NLRC5: variants seen among roughly 807,000 people sequenced by gnomAD.
NLRC5 encodes the protein NLR family CARD domain containing 5, also known as protein NLRC5.
In NLRC5, 114 loss-of-function variants were observed where a neutral mutation model predicts 206.9. The observed-to-expected ratio is 0.55, with a 90% CI of 0.47 to 0.64. The LOEUF (loss-of-function observed/expected upper bound fraction) is 0.64. Among genes scored for constraint, NLRC5 ranks in the 30% least tolerant of loss-of-function variants. The pLI, the probability that NLRC5 is intolerant of heterozygous loss-of-function variation, is 0.00. For missense variants in NLRC5, 2,008 were observed against 2,305.5 expected, an observed-to-expected ratio of 0.87 and a Z score of 2.64; for synonymous variants, 952 against 962.8, an observed-to-expected ratio of 0.99 and a Z score of 0.21.
chr16:57,042,012 T>C lies in NLRC5; in HGVS notation c.3060T>C (p.Gly1020=), dbSNP rs771736664. ...DFSGNALGDE[G]AARLAQLLPG... ...CAGGCAATGCTCTGGGGGATGAAGG[T>C]GCAGCCCGGCTGGCTCAGCTGCTCC... is the stretch of plus-strand genomic sequence containing the variant. The change falls in exon 19 of 49, where the codon GGT becomes GGC. Residue 1020 remains glycine, a synonymous_variant. Coordinates refer to ENST00000688547, the MANE Select transcript of NLRC5 (RefSeq NM_001384950.1). 1.9e-6 allele frequency: 3 copies of C among 1,578,344 alleles called. No individual in the cohort carries two copies. The South Asian group carries it at 3.5e-5, about 18-fold the overall frequency.
chr16:57,046,564 C>T lies in NLRC5; in HGVS notation c.3261C>T (p.Ala1087=). The T allele has an allele frequency of 6.2e-7, 1 of 1,613,810 alleles. No individual in the cohort carries two copies. The highest frequency in any genetic ancestry group is 8.5e-7 in the Non-Finnish European group (1 of 1,179,802). ...RGDKTSRDMW[A]TGSLPDFPAA... ...ATCCCCCTCCTAGGGATATGTGGGCCACTGGATCTTTGCCAGACTTCCCAG... is the reference window on the plus strand; with the variant it reads ...ATCCCCCTCCTAGGGATATGTGGGCTACTGGATCTTTGCCAGACTTCCCAG... Residue 1087 remains alanine, a synonymous_variant, in exon 22 of 49, where the codon GCC becomes GCT. Transcript: ENST00000688547.
At chr16:57,010,572 A>C (rs964038640) in intron 1 of NLRC5, among the ~76,000 whole-genome samples, 20 of 152,032 alleles carry the variant, frequency 1.3e-4, no homozygotes, top group African/African-American at 4.8e-4. Context: ...TGAGTTGCAC[A>C]ATGTAGCCCA....
chr16:57,072,774 C>G (rs890527764), intron 38 of NLRC5, among the ~76,000 whole-genome samples: 1 of 152,240 alleles, frequency 6.6e-6, no homozygotes, highest in Non-Finnish European at 1.5e-5. Flanking sequence ...ATGACACCCC[C>G]TGAGAAAACT....
rs2061247175 is a variant in NLRC5 at position 57,026,095 on chromosome 16, A to G, written c.1152A>G (p.Pro384=). The G allele has an allele frequency of 1.2e-6, 2 of 1,614,102 alleles. No individual in the cohort carries two copies. The highest frequency in any genetic ancestry group is 1.3e-5 in the African/African-American group (1 of 75,068). ...TGAATCACTTCTTCAGCGCCCAGCC[A>G]TCGCGGGAGGGGGCCCTGGTGGAGT... The part of the protein sequence containing the change: ...EYVNHFFSAQ[P]SREGALVELQ... The change falls in exon 6 of 49, where the codon CCA becomes CCG. Residue 384 remains proline (P), a synonymous_variant. Coordinates refer to ENST00000688547, the MANE Select transcript of NLRC5 (RefSeq NM_001384950.1).
chr16:57,060,658 C>G (rs1451574054), intron 30 of NLRC5, among the ~76,000 whole-genome samples: 3 of 151,172 alleles, frequency 2.0e-5, no homozygotes, highest in Admixed American at 6.6e-5. Context: ...CACACACACA[C>G]AGTTCAGCCA....
chr16:57,030,774 G>C lies in NLRC5; in HGVS notation c.2418-630G>C, dbSNP rs962954502. Among the ~76,000 whole-genome samples, 41 of 152,170 alleles carry C rather than the reference G, an allele frequency of 2.7e-4. 1 individual carries two copies. Among genetic ancestry groups the C allele is most frequent in the Non-Finnish European group, 4.4e-5 (3 of 68,018 alleles). Reference sequence around the variant, plus strand: ...CAATATAGCCAGTTTTGATCATGGGGTAGGTTAGGTGTCATTTTTCTTACT... The same window carrying C: ...CAATATAGCCAGTTTTGATCATGGGCTAGGTTAGGTGTCATTTTTCTTACT... On this transcript the variant is annotated intron_variant, in intron 10 of 48. Transcript: ENST00000688547.
chr16:57,052,062 C>T (rs937739211), intron 24 of NLRC5, among the ~76,000 whole-genome samples: 3 of 152,158 alleles, frequency 2.0e-5, no homozygotes, highest in Non-Finnish European at 4.4e-5. Context: ...AGGTCCTGTA[C>T]TTATCACATG....
chr16:57,036,171 C>T lies in NLRC5; in HGVS notation c.2699C>T (p.Ala900Val). The change falls in exon 14 of 49, where the codon GCC becomes GTC. Residue 900 changes from alanine to valine, a missense_variant. Transcript: ENST00000688547. ...MAEAASQLHI[A>V]RKLDLSNNGL... ...GAGGCTGCATCCCAGCTGCACATCG[C>T]CAGGAAGCTGGAGTGAGTTGTCCAC... The T allele has an allele frequency of 1.2e-6, 2 of 1,613,200 alleles. No homozygotes were observed. The highest frequency in any genetic ancestry group is 2.2e-5 in the East Asian group (1 of 44,884).
At chr16:57,016,748 AAC>A (rs1475863244) in intron 1 of NLRC5, among the ~76,000 whole-genome samples, 3 of 152,248 alleles carry the variant, frequency 2.0e-5, no homozygotes, top group Non-Finnish European at 4.4e-5. Context: ...GAGCAGTAAT[AAC>A]TTTGCTGACT....
At chr16:57,041,243 G>C (rs774049823) in intron 17 of NLRC5, 19 of 522,116 alleles carry the variant, frequency 3.6e-5, no homozygotes, top group Non-Finnish European at 5.8e-5. Flanking sequence ...CTCTCTCTGA[G>C]GTCTCTGTGC....
chr16:57,027,188 G>A (rs907865433), intron 6 of NLRC5, among the ~76,000 whole-genome samples, 170 bp downstream of exon 6: 1 of 152,214 alleles, frequency 6.6e-6, no homozygotes, highest in African/African-American at 2.4e-5. Flanking sequence ...GACCTCTGGA[G>A]TCCAAATGGA....
chr16:57,007,607 G>GTAA (rs1361584542), intron 1 of NLRC5, among the ~76,000 whole-genome samples: 1 of 152,102 alleles, frequency 6.6e-6, no homozygotes, highest in Admixed American at 6.6e-5. Context: ...GCTCGTGCCT[G>GTAA]TAATCCCAGC....
chr16:57,004,981 G>C (rs1195003113), intron 1 of NLRC5, among the ~76,000 whole-genome samples: 1 of 152,136 alleles, frequency 6.6e-6, no homozygotes, highest in African/African-American at 2.4e-5. Context: ...AACTCCACGT[G>C]TCTGGATTCC....
chr16:57,026,086 C>T lies in NLRC5; in HGVS notation c.1143C>T (p.Ser381=), dbSNP rs141391037. The change falls in exon 6 of 49, where the codon AGC becomes AGT. Residue 381 remains serine, a synonymous_variant. Transcript: ENST00000688547. The part of the protein sequence containing the change: ...RVEEYVNHFF[S]AQPSREGALV... ...AAGAATATGTGAATCACTTCTTCAG[C>T]GCCCAGCCATCGCGGGAGGGGGCCC... The T allele has an allele frequency of 5.5e-5, 88 of 1,614,108 alleles. No individual in the cohort carries two copies. The African/African-American group carries it at 5.9e-4, about 11-fold the overall frequency.
chr16:57,026,908 C>A lies in NLRC5; in HGVS notation c.1965C>A (p.Thr655=), dbSNP rs111236052. ...CCTGCACCGACCTGGCCACCCTGAC[C>A]AACATCCTAGAGCACAGGGAGGCCC... ...PLTCTDLATL[T]NILEHREAPI... Residue 655 remains threonine, a synonymous_variant, in exon 6 of 49, where the codon ACC becomes ACA. Transcript: ENST00000688547. 1 of 1,614,178 alleles carries A rather than the reference C, an allele frequency of 6.2e-7. No individual in the cohort carries two copies.
chr16:57,001,507 C>T (rs1420453854), intron 1 of NLRC5, among the ~76,000 whole-genome samples: 1 of 152,250 alleles, frequency 6.6e-6, no homozygotes, highest in African/African-American at 2.4e-5. Context: ...TCCTTCCTTA[C>T]ACCAGGCGTC....
chr16:57,013,380 A>T (rs554661345), intron 1 of NLRC5: 206 of 632,152 alleles, frequency 3.3e-4, no homozygotes, highest in Middle Eastern at 2.0e-3. Context: ...ATTCCAAGTT[A>T]CTAAGCTGTT....
intron 33 of NLRC5, 69 bp downstream of exon 33, chr16:57,065,367 T>G: frequency 8.7e-7 from 1 of 1,144,550 alleles, no homozygotes; most frequent in South Asian, 1.7e-5. Context: ...TTCCTTGACC[T>G]TCCCTCATCC....
Position 57,026,019 on chromosome 16 carries a change from CAGCCA to C in NLRC5, c.1077_1081del (p.Ala360GlyfsTer7), listed in dbSNP as rs2061240533. On this transcript the variant is annotated frameshift_variant, in exon 6 of 49. Coordinates refer to ENST00000688547, the MANE Select transcript of NLRC5 (RefSeq NM_001384950.1). LOFTEE classifies it high-confidence loss of function. ...CTGCCTGCCTGCCTGCCTGCAGAGG[CAGCCA>C]TGGTCCACATGTTGGGCTTTGATGG... 6.2e-7 allele frequency: 1 copy of C among 1,613,950 alleles called. No homozygotes were observed. Among genetic ancestry groups the C allele is most frequent in the Non-Finnish European group, 8.5e-7 (1 of 1,180,060 alleles).
Sources: gnomAD v4.1 joint callset for allele counts (sites outside exome capture counted in the v4.1 genomes callset) on GRCh38, gnomAD v4.1.1 for gene constraint, MANE v1.5 for transcripts, NCBI Gene and HGNC (gene_info 2026-07-23, HGNC 2026-07-21) for gene names.